The following TCF20 variants were observed in gnomAD, a reference collection of about 807,000 sequenced individuals.
TCF20 encodes SPRE-binding protein.
A neutral mutation model predicts 148.6 loss-of-function variants in TCF20; 3 were observed. The ratio of observed to expected loss-of-function variants is 0.02; its 90% confidence interval spans 0.01 to 0.05. The LOEUF (loss-of-function observed/expected upper bound fraction) is 0.05, where lower values mean the gene tolerates loss of function less well. TCF20 is among the 10% of genes least tolerant of loss of function. TCF20 has a pLI of 1.00. For missense variants in TCF20, 2,350 were observed against 2,429.3 expected (o/e 0.97, Z 0.69); for synonymous variants, 1,049 against 909.5 (o/e 1.15, Z -2.76).
chr22:42,296,416 C>T (rs555533822), intron 1 of TCF20, among the ~76,000 whole-genome samples: 1 of 152,360 alleles, frequency 6.6e-6, no homozygotes, highest in South Asian at 2.1e-4. Flanking sequence ...GGGGGTGGTG[C>T]CGAGAGCCAG....
rs150195119 is a variant in TCF20, at chr22:42,257,910, C to T, written c.-37+12429G>A. 1.9e-3 allele frequency among the ~76,000 whole-genome samples: 290 copies of T among 152,296 alleles called. 1 individual carries two copies. The highest frequency in any genetic ancestry group is 6.5e-3 in the African/African-American group (270 of 41,560). On this transcript the variant is annotated intron_variant, in intron 1 of 5. Transcript: ENST00000677622. ...TTTTGATATAACACTTAGCACACTG[C>T]CACCTAACTATACAGCTAGTGCTAC...
intron 1 of TCF20, among the ~76,000 whole-genome samples, chr22:42,310,754 T>C (rs1389857944): frequency 6.6e-6 from 1 of 151,962 alleles, no homozygotes; most frequent in Non-Finnish European, 1.5e-5. Context: ...TCTGGAAAGT[T>C]GCAAATTCCT....
chr22:42,251,298 C>T (rs1355736096), intron 1 of TCF20, among the ~76,000 whole-genome samples: 2 of 151,948 alleles, frequency 1.3e-5, no homozygotes, highest in Non-Finnish European at 2.9e-5. Context: ...GAGATCCTCC[C>T]ACCTCAGTCT....
At chr22:42,202,388 C>T (rs1938091568) in intron 2 of TCF20, among the ~76,000 whole-genome samples, 1 of 152,224 alleles carries the variant, frequency 6.6e-6, no homozygotes, top group Non-Finnish European at 1.5e-5. Flanking sequence ...ACTGTAGGTG[C>T]TGTCAGTTTT....
At chr22:42,295,454 T>TC (rs1281101342) in intron 1 of TCF20, among the ~76,000 whole-genome samples, 3 of 150,422 alleles carry the variant, frequency 2.0e-5, no homozygotes, top group African/African-American at 7.3e-5. Context: ...TTTTTTTTTT[T>TC]TTTTTTGAGA....
intron 1 of TCF20, among the ~76,000 whole-genome samples, chr22:42,258,288 G>C (rs1025974398): frequency 3.3e-5 from 5 of 151,054 alleles, no homozygotes; most frequent in African/African-American, 1.2e-4. Flanking sequence ...CTAGGCAGAG[G>C]ATCTTCAGTG....
rs1340761088 is a variant in TCF20 at position 42,216,079 on chromosome 22, C to T, written c.-36-738G>A. 8.7e-4 allele frequency among the ~76,000 whole-genome samples: 44 copies of T among 50,574 alleles called. 1 individual carries two copies. Among genetic ancestry groups the T allele is most frequent in the African/African-American group, 3.0e-3 (35 of 11,838 alleles). 33.2% of individuals were successfully genotyped at this position (50,574 alleles called of 152,430 possible). ...GGTGTGGGGTAAGAAAAACCAAATC[C>T]TTTTTTTTTTTTTTTTTTTTTTTTT... On this transcript the variant is annotated intron_variant, in intron 1 of 5. Transcript: ENST00000677622.
intron 1 of TCF20, among the ~76,000 whole-genome samples, chr22:42,342,291 C>T (rs754847908): frequency 1.1e-4 from 16 of 152,128 alleles, no homozygotes; most frequent in Non-Finnish European, 2.1e-4. Flanking sequence ...GGAGAAACGA[C>T]GGGAGGGCTG....
intron 2 of TCF20, among the ~76,000 whole-genome samples, chr22:42,191,168 T>C (rs943883484): frequency 1.4e-4 from 22 of 152,230 alleles, no homozygotes; most frequent in Non-Finnish European, 1.5e-4. Context: ...TTGCACAAAA[T>C]GTATACGTAG....
intron 1 of TCF20, among the ~76,000 whole-genome samples, chr22:42,313,038 G>C (rs1321429431): frequency 6.6e-6 from 1 of 152,146 alleles, no homozygotes; most frequent in Non-Finnish European, 1.5e-5. Context: ...AGGCTCCCCA[G>C]CCTGAGTCAC....
intron 1 of TCF20, among the ~76,000 whole-genome samples, chr22:42,304,219 C>T (rs1415028802): frequency 6.6e-6 from 1 of 152,316 alleles, no homozygotes; most frequent in Non-Finnish European, 1.5e-5. Context: ...CAGCCAGAAG[C>T]ACCCCCGCCC....
intron 1 of TCF20, among the ~76,000 whole-genome samples, chr22:42,330,257 C>A (rs1255859391): frequency 1.3e-5 from 2 of 152,140 alleles, no homozygotes; most frequent in African/African-American, 4.8e-5. Flanking sequence ...CCTTCCAGGG[C>A]CATAACAAAG....
intron 1 of TCF20, among the ~76,000 whole-genome samples, chr22:42,324,217 GTGA>G (rs201100179): frequency 2.7e-5 from 4 of 150,746 alleles, no homozygotes; most frequent in Non-Finnish European, 5.9e-5. Context: ...GGTGGAGGTG[GTGA>G]TGATGGTGGT....
At chr22:42,219,510 G>A (rs1324324774) in intron 1 of TCF20, among the ~76,000 whole-genome samples, 1 of 151,666 alleles carries the variant, frequency 6.6e-6, no homozygotes, top group African/African-American at 2.4e-5. Flanking sequence ...CAAATAGTAA[G>A]GAAAATCTGA....
chr22:42,257,036 T>C (rs1252911264), intron 1 of TCF20, among the ~76,000 whole-genome samples: 1 of 152,274 alleles, frequency 6.6e-6, no homozygotes, highest in South Asian at 2.1e-4. Flanking sequence ...GGCATGTGCC[T>C]GTAGTCGCAG....
intron 1 of TCF20, among the ~76,000 whole-genome samples, chr22:42,335,843 C>T (rs577987188): frequency 2.0e-4 from 30 of 152,232 alleles, no homozygotes; most frequent in East Asian, 3.9e-4. Context: ...ACTCAGATCA[C>T]GCCCCCAGCC....
intron 2 of TCF20, among the ~76,000 whole-genome samples, chr22:42,187,289 CTT>C (rs1230750746): frequency 6.6e-6 from 1 of 152,208 alleles, no homozygotes; most frequent in Non-Finnish European, 1.5e-5. Flanking sequence ...CTCACACAAA[CTT>C]TCTTTAATCT....
intron 1 of TCF20, among the ~76,000 whole-genome samples, chr22:42,322,191 A>T (rs1003482143): frequency 6.6e-6 from 1 of 151,850 alleles, no homozygotes; most frequent in Non-Finnish European, 1.5e-5. Flanking sequence ...CACTTAAGGG[A>T]GGCAGAGAAT....
At chr22:42,307,898 C>T (rs546103836) in intron 1 of TCF20, among the ~76,000 whole-genome samples, 1 of 152,310 alleles carries the variant, frequency 6.6e-6, no homozygotes, top group South Asian at 2.1e-4. Context: ...TGGTATCCTT[C>T]GGAAGACGAA....
Sources: allele counts gnomAD v4.1 joint callset (sites outside exome capture counted in the v4.1 genomes callset), GRCh38; gene constraint gnomAD v4.1.1; transcripts MANE v1.5; gene names NCBI Gene and HGNC (gene_info 2026-07-23, HGNC 2026-07-21).